CCDC3: variants seen among roughly 807,000 people sequenced by gnomAD.
The protein encoded by CCDC3 is coiled-coil domain containing 3.
In CCDC3, 24 loss-of-function variants were observed where a neutral mutation model predicts 21.4. The ratio of observed to expected loss-of-function variants is 1.12; its 90% CI spans 0.81 to 1.58. The LOEUF (loss-of-function observed/expected upper bound fraction) is 1.58. CCDC3 is among the 40% of genes most tolerant of loss of function. The pLI is 0.00. For synonymous variants in CCDC3, 186 were observed against 166.0 expected (o/e 1.12, Z -0.93); for missense variants, 425 against 360.9 (o/e 1.18, Z -1.44).
chr10:12,987,317 G>C (rs1431859269), intron 2 of CCDC3, among the ~76,000 whole-genome samples: 2 of 152,198 alleles, frequency 1.3e-5, no homozygotes, highest in East Asian at 3.9e-4. Context: ...TAAGCACGTA[G>C]GAAGGATTTT....
At chr10:13,022,200 C>T (rs1042149652) in intron 5 of CCDC3, among the ~76,000 whole-genome samples, 2 of 152,176 alleles carry the variant, frequency 1.3e-5, no homozygotes, top group Non-Finnish European at 2.9e-5. Flanking sequence ...TCTCTTCAAC[C>T]TCCTCCTGCA....
upstream of CCDC3, among the ~76,000 whole-genome samples, chr10:13,004,142 A>G (rs1321420793): frequency 1.3e-5 from 2 of 152,160 alleles, no homozygotes. Context: ...TCCGAGACCT[A>G]TATGTCCTGG....
intron 3 of CCDC3, among the ~76,000 whole-genome samples, chr10:13,096,854 G>C (rs117495397): frequency 1.3e-5 from 2 of 152,228 alleles, no homozygotes; most frequent in East Asian, 3.9e-4. Flanking sequence ...ATCTGGGGGC[G>C]GGGGAGTCAC....
At chr10:13,038,532 C>A (rs970197917) in intron 5 of CCDC3, among the ~76,000 whole-genome samples, 8 of 152,178 alleles carry the variant, frequency 5.3e-5, no homozygotes, top group Non-Finnish European at 1.2e-4. Context: ...AAAGAGGAAG[C>A]TCCTATCACA....
intron 2 of CCDC3, among the ~76,000 whole-genome samples, chr10:12,972,234 T>C (rs1023003081): frequency 6.6e-6 from 1 of 152,166 alleles, no homozygotes; most frequent in Non-Finnish European, 1.5e-5. Flanking sequence ...AGTTTCTTCA[T>C]GTTTTCACCA....
chr10:13,082,354 T>G (rs922442242), intron 3 of CCDC3, among the ~76,000 whole-genome samples: 2 of 152,248 alleles, frequency 1.3e-5, no homozygotes, highest in Non-Finnish European at 2.9e-5. Flanking sequence ...TACGCCATTA[T>G]TTCTGCATAT....
At position 12,971,389 on chromosome 10, in the gene CCDC3, T is replaced by C. The variant is rs564108539; in HGVS notation, c.549+26949A>G. ...GCCACAAATTGGTCTTTGAGAACCTTAGATCTCTCACTCAGAGCACAGCTT... is the reference window on the plus strand; with the variant it reads ...GCCACAAATTGGTCTTTGAGAACCTCAGATCTCTCACTCAGAGCACAGCTT... On this transcript the variant is annotated intron_variant, in intron 2 of 2. Transcript: ENST00000378825. 4.5e-4 allele frequency among the ~76,000 whole-genome samples: 69 copies of C among 152,340 alleles called. 1 individual carries two copies. Among genetic ancestry groups the C allele is most frequent in the African/African-American group, 1.7e-3 (69 of 41,580 alleles).
rs200199088 is a variant in CCDC3, at chr10:12,947,154, T to TG, written c.550-48476_550-48475insC. On this transcript the variant is annotated intron_variant, in intron 2 of 2. Transcript: ENST00000378825. The stretch of plus-strand genomic sequence containing the variant: ...TCATCTTTTGCTCACTTTTTTTTTT[T>TG]TTTGTTTTTTGGAGACAGGGTCTTG... Among the ~76,000 whole-genome samples the TG allele has an allele frequency of 3.7e-3, 557 of 151,654 alleles. 5 individuals are homozygous for TG. Among genetic ancestry groups the TG allele is most frequent in the African/African-American group, 0.012 (506 of 41,376 alleles).
intron 4 of CCDC3, among the ~76,000 whole-genome samples, chr10:13,069,053 C>T (rs554245776): frequency 1.8e-4 from 28 of 152,080 alleles, no homozygotes; most frequent in Non-Finnish European, 3.7e-4. Flanking sequence ...GTCGGGAGTT[C>T]GAGACCAGCC....
Position 12,943,406 on chromosome 10 carries a change from T to A in CCDC3, c.550-44727A>T, listed in dbSNP as rs183978662. Among the ~76,000 whole-genome samples, 244 of 152,362 alleles carry A rather than the reference T, an allele frequency of 1.6e-3. No individual in the cohort carries two copies. The Middle Eastern group carries it at 0.017, about 11-fold the overall frequency. On this transcript the variant is annotated intron_variant, in intron 2 of 2. Transcript: ENST00000378825. ...ATTATTTAGGCAGTTAGTGAGGGTA[T>A]GAGAATCCTCGGTAAGGTTTCCCTT...
At chr10:12,981,131 C>A (rs1229356801) in intron 2 of CCDC3, among the ~76,000 whole-genome samples, 1 of 150,976 alleles carries the variant, frequency 6.6e-6, no homozygotes, top group Non-Finnish European at 1.5e-5. Flanking sequence ...CTTCAGCCTT[C>A]CTAAGTGCCA....
chr10:13,044,241 A>G lies in CCDC3; in HGVS notation c.-2+5433T>C, dbSNP rs2119097. Among the ~76,000 whole-genome samples, 792 of 152,334 alleles carry G rather than the reference A, an allele frequency of 5.2e-3. 12 individuals are homozygous for G. The highest frequency in any genetic ancestry group is 0.018 in the African/African-American group (753 of 41,580). ...TTGTTGAATTGTTTAAGTTCCTTATAGATTCCGGATATTAGGCCTTTGTCA... is the reference window on the plus strand; with the variant it reads ...TTGTTGAATTGTTTAAGTTCCTTATGGATTCCGGATATTAGGCCTTTGTCA... On this transcript the variant is annotated intron_variant, in intron 5 of 6. Transcript: ENST00000378839.
chr10:13,054,171 A>G (rs1262729704), intron 4 of CCDC3, among the ~76,000 whole-genome samples: 27 of 151,564 alleles, frequency 1.8e-4, no homozygotes, highest in Non-Finnish European at 2.8e-4. Context: ...AAAAAAAAAA[A>G]AAGAGGAAAC....
At position 13,073,596 on chromosome 10, in the gene CCDC3, T is replaced by G. The variant is rs1442591330; in HGVS notation, c.-270+272A>C. On this transcript the variant is annotated intron_variant, in intron 4 of 6. Coordinates refer to the CCDC3 transcript ENST00000378839. ...CCTAGGCTCAAGCAATCCTCCCACC[T>G]CAGCCTCCTGAGTAGCTAGGAGGCT... 1.3e-4 allele frequency among the ~76,000 whole-genome samples: 20 copies of G among 151,610 alleles called. 1 individual carries two copies. The highest frequency in any genetic ancestry group is 1.3e-3 in the Admixed American group (20 of 15,182).
intron 5 of CCDC3, among the ~76,000 whole-genome samples, chr10:13,023,102 A>G (rs548878959): frequency 6.6e-6 from 1 of 152,276 alleles, no homozygotes; most frequent in South Asian, 2.1e-4. Context: ...TTTTTGCACA[A>G]AACAGCCCTT....
chr10:12,972,876 C>T (rs1366716750), intron 2 of CCDC3, among the ~76,000 whole-genome samples: 1 of 152,166 alleles, frequency 6.6e-6, no homozygotes, highest in Non-Finnish European at 1.5e-5. Context: ...TGTGGTTTCT[C>T]ATTCAGGAGA....
intron 3 of CCDC3, among the ~76,000 whole-genome samples, chr10:13,077,247 C>T (rs1312972285): frequency 1.3e-5 from 2 of 152,146 alleles, no homozygotes; most frequent in East Asian, 3.9e-4. Context: ...CATGAGTCAA[C>T]TCCCATTCAC....
chr10:12,906,230 G>A (rs1213852121), intron 2 of CCDC3, among the ~76,000 whole-genome samples: 1 of 152,220 alleles, frequency 6.6e-6, no homozygotes, highest in Admixed American at 6.5e-5. Context: ...AGGACTGTCT[G>A]GAGGGACAAC....
chr10:12,988,889 G>A (rs1203202724), intron 2 of CCDC3, among the ~76,000 whole-genome samples: 1 of 152,166 alleles, frequency 6.6e-6, no homozygotes, highest in Non-Finnish European at 1.5e-5. Context: ...CTACCTACTT[G>A]CCAGCTTTGG....
Sources: allele counts gnomAD v4.1 joint callset (sites outside exome capture counted in the v4.1 genomes callset), GRCh38; gene constraint gnomAD v4.1.1; transcripts MANE v1.5; gene names NCBI Gene and HGNC (gene_info 2026-07-23, HGNC 2026-07-21).